Variants in CDH20 observed in about 807,000 individuals in gnomAD.
CDH20 encodes the protein cadherin 20.
CDH20 carries 29 observed loss-of-function variants against 74.2 expected under a neutral mutation model. The observed-to-expected ratio is 0.39, with a 90% CI of 0.29 to 0.53. CDH20 has a LOEUF of 0.53. CDH20 is among the 20% of genes least tolerant of loss of function. The probability of loss-of-function intolerance (pLI) is 0.69; values close to 1 mark genes in which losing one functional copy is unlikely to be tolerated. For missense variants in CDH20, 988 were observed against 1,048.3 expected, an observed-to-expected ratio of 0.94 and a Z score of 0.79; for synonymous variants, 469 against 405.4, an observed-to-expected ratio of 1.16 and a Z score of -1.88.
rs769666012 is a variant in CDH20 at position 61,554,475 on chromosome 18, A to T, written c.2186A>T (p.Lys729Met). ...ACTGTCCACAGCTACGTGCTGGCCA[A>T]GCTCTACGAGGCCGACATGGACCTG... The part of the protein sequence containing the change: ...NSTVHSYVLA[K>M]LYEADMDLWA... Residue 729 changes from lysine (K) to methionine (M), a missense_variant, in exon 12 of 12, where the codon AAG (lysine) becomes ATG (methionine). Lys to Met is a moderately conservative substitution (Grantham distance 95, BLOSUM62 -1). Around this residue, in one of 2 missense-constraint regions of CDH20, gnomAD observed 375 missense variants for 293.1 expected, o/e 1.28. Coordinates refer to ENST00000262717, the MANE Select transcript of CDH20 (RefSeq NM_031891.4). 11 of 1,613,020 alleles carry T rather than the reference A, an allele frequency of 6.8e-6. No homozygotes were observed.
intron 11 of CDH20, among the ~76,000 whole-genome samples, chr18:61,551,954 A>C (rs1026200281): frequency 2.0e-5 from 3 of 152,170 alleles, no homozygotes; most frequent in Non-Finnish European, 2.9e-5. Flanking sequence ...CCCACCCACG[A>C]TGATGTCTTG....
rs146389024 is a variant in CDH20 at position 61,536,452 on chromosome 18, T to C, written c.1272-41T>C. On this transcript the variant is annotated intron_variant, in intron 7 of 11. Transcript: ENST00000262717. ...CTCATGTGGTATGCTGTCATATGCT[T>C]ACCCAAATGCAAATGATGTACGTAA... 2,448 of 1,595,450 alleles carry C rather than the reference T, an allele frequency of 1.5e-3. 9 individuals are homozygous for C. Among genetic ancestry groups the C allele is most frequent in the Non-Finnish European group, 1.7e-3 (2,005 of 1,164,150 alleles).
At position 61,545,059 on chromosome 18, in the gene CDH20, T is replaced by C; in HGVS notation, c.1563T>C (p.Asp521=). The change falls in exon 10 of 12, where the codon GAT becomes GAC. Residue 521 remains aspartate (D), a synonymous_variant. Transcript: ENST00000262717. ...LIQTVSAVDQ[D]DPRNGQHFYY... ...AGACAGTGAGTGCGGTGGACCAAGA[T>C]GACCCACGCAATGGTCAGCATTTCT... 6.2e-7 allele frequency: 1 copy of C among 1,613,926 alleles called. No individual in the cohort carries two copies. Among genetic ancestry groups the C allele is most frequent in the Non-Finnish European group, 8.5e-7 (1 of 1,179,834 alleles).
intron 1 of CDH20, among the ~76,000 whole-genome samples, chr18:61,441,877 A>G (rs1418672860): frequency 6.6e-6 from 1 of 152,116 alleles, no homozygotes; most frequent in African/African-American, 2.4e-5. Flanking sequence ...CTGTGTTATG[A>G]AACTTACAAA....
At chr18:61,473,762 C>A (rs1910272031) in intron 1 of CDH20, among the ~76,000 whole-genome samples, 1 of 152,120 alleles carries the variant, frequency 6.6e-6, no homozygotes, top group South Asian at 2.1e-4. Context: ...AATGATTTTT[C>A]CAGGCAGCAG....
At position 61,543,947 on chromosome 18, in the gene CDH20, T is replaced by C. The variant is rs1028905642; in HGVS notation, c.1531-1080T>C. On this transcript the variant is annotated intron_variant, in intron 9 of 11. Transcript: ENST00000262717. ...CTTTGTGGCACCCGAGCCCTTTAAC[T>C]CAAAGTCTCTTATTTTTTAGACTGC... 8.5e-5 allele frequency among the ~76,000 whole-genome samples: 13 copies of C among 152,322 alleles called. 2 individuals are homozygous for C. Among genetic ancestry groups the C allele is most frequent in the Admixed American group, 7.2e-4 (11 of 15,308 alleles).
intron 1 of CDH20, among the ~76,000 whole-genome samples, chr18:61,406,991 T>C (rs189664181): frequency 2.2e-4 from 34 of 152,238 alleles, no homozygotes; most frequent in Admixed American, 2.0e-3. Context: ...TCAAAAGACA[T>C]CTCATCCTTT....
chr18:61,490,572 A>T lies in CDH20; in HGVS notation c.19A>T (p.Met7Leu). 6.2e-7 allele frequency: 1 copy of T among 1,614,146 alleles called. No individual in the cohort carries two copies. The highest frequency in any genetic ancestry group is 8.5e-7 in the Non-Finnish European group (1 of 1,179,972). ...CAATCCCATGTGGACTTCTGGTAGA[A>T]TGAGCAATGCAAAGAACTGGCTTGG... MWTSGRMSNAKNWLGLG... is the reference protein window; with the variant it reads MWTSGRLSNAKNWLGLG... The change falls in exon 2 of 12, where the codon ATG becomes TTG. Residue 7 changes from methionine to leucine, a missense_variant. Physicochemically the swap from Met to Leu is conservative, Grantham distance 15 (BLOSUM62 2). Coordinates refer to ENST00000262717, the MANE Select transcript of CDH20 (RefSeq NM_031891.4).
chr18:61,542,173 T>C (rs958962238), intron 9 of CDH20, among the ~76,000 whole-genome samples: 11 of 152,216 alleles, frequency 7.2e-5, no homozygotes, highest in Non-Finnish European at 1.6e-4. Flanking sequence ...TGTTTGGCAC[T>C]ACAAGCAAGC....
At chr18:61,536,683 G>C (rs552886779) in intron 8 of CDH20, 54 bp downstream of exon 8, 1 of 1,514,298 alleles carries the variant, frequency 6.6e-7, no homozygotes, top group African/African-American at 1.4e-5. Flanking sequence ...AGGTGTTATA[G>C]AAAGTGGAAG....
intron 4 of CDH20, among the ~76,000 whole-genome samples, chr18:61,500,857 G>T (rs1911355349): frequency 6.6e-6 from 1 of 152,204 alleles, no homozygotes; most frequent in Non-Finnish European, 1.5e-5. Context: ...CATTCACCTG[G>T]GTCATTAGAG....
At chr18:61,384,841 T>G (rs1349189374) in intron 1 of CDH20, among the ~76,000 whole-genome samples, 4 of 152,214 alleles carry the variant, frequency 2.6e-5, no homozygotes, top group East Asian at 3.8e-4. Flanking sequence ...CAAGAATATC[T>G]ATTAGTATTA....
At chr18:61,347,105 G>A (rs1447111310) in intron 1 of CDH20, among the ~76,000 whole-genome samples, 5 of 151,466 alleles carry the variant, frequency 3.3e-5, no homozygotes, top group African/African-American at 1.2e-4. Context: ...GAGAATATGT[G>A]GAAAGGGTTA....
intron 1 of CDH20, among the ~76,000 whole-genome samples, chr18:61,474,991 G>C (rs966986097): frequency 6.6e-6 from 1 of 152,124 alleles, no homozygotes; most frequent in South Asian, 2.1e-4. Flanking sequence ...ATGGTAGAGG[G>C]GGAGCCAGAT....
rs75431995 is a variant in CDH20, at chr18:61,344,143, C to T, written c.-153+10316C>T. Among the ~76,000 whole-genome samples the T allele has an allele frequency of 9.2e-3, 1,403 of 152,108 alleles. 19 individuals are homozygous for T. The highest frequency in any genetic ancestry group is 0.032 in the African/African-American group (1,343 of 41,472). ...GCAAGATGTACTATTTTCTCTAACC[C>T]GCAAAGTCACTCAGAGGGGTAAATT... On this transcript the variant is annotated intron_variant, in intron 1 of 11. Transcript: ENST00000262717.
At chr18:61,507,350 C>G in intron 5 of CDH20, 23 bp from the exon 6 acceptor site, 1 of 1,600,234 alleles carries the variant, frequency 6.2e-7, no homozygotes, top group South Asian at 1.1e-5. Context: ...ATCAAGAATG[C>G]GTGTCCTGGC....
intron 2 of CDH20, among the ~76,000 whole-genome samples, chr18:61,496,139 T>C (rs1911140766): frequency 3.1e-5 from 1 of 31,850 alleles, no homozygotes; most frequent in African/African-American, 1.4e-4. Flanking sequence ...TCTCCTCCCT[T>C]CCTCTCCTCC....
intron 10 of CDH20, among the ~76,000 whole-genome samples, chr18:61,549,573 G>A (rs532736482): frequency 2.0e-5 from 3 of 152,312 alleles, no homozygotes; most frequent in African/African-American, 4.8e-5. Flanking sequence ...TCCTGGAGGC[G>A]CAAAGCAGCA....
chr18:61,365,179 C>A (rs994725647), intron 1 of CDH20, among the ~76,000 whole-genome samples: 4 of 152,172 alleles, frequency 2.6e-5, no homozygotes, highest in African/African-American at 4.8e-5. Context: ...TGATCAATAC[C>A]CTTCATAGAA....
Sources: gnomAD v4.1 joint callset for allele counts (sites outside exome capture counted in the v4.1 genomes callset) on GRCh38, gnomAD v4.1.1 for gene constraint, gnomAD v4.1.1 regional missense constraint, MANE v1.5 for transcripts, NCBI Gene and HGNC (gene_info 2026-07-23, HGNC 2026-07-21) for gene names.